The following DNM3 variants were observed in gnomAD, a reference collection of about 807,000 sequenced individuals.
DNM3 encodes the protein dynamin 3.
Under a neutral mutation model 101.6 loss-of-function variants are expected in DNM3, and 47 were observed. The observed-to-expected ratio is 0.46, with a 90% CI of 0.37 to 0.59. The LOEUF (loss-of-function observed/expected upper bound fraction) is 0.59, where lower values mean the gene tolerates loss of function less well. Ranked by LOEUF, DNM3 falls within the 20% of genes least tolerant of loss-of-function variation. The pLI is 0.00. For synonymous variants in DNM3, 385 were observed against 387.9 expected (o/e 0.99, Z 0.09); for missense variants, 849 against 1,085.7 (o/e 0.78, Z 3.06).
chr1:172,369,138 T>G lies in DNM3; in HGVS notation c.1894-9880T>G, dbSNP rs146796955. Among the ~76,000 whole-genome samples the G allele has an allele frequency of 1.5e-3, 228 of 151,798 alleles. 1 individual carries two copies. Among genetic ancestry groups the G allele is most frequent in the African/African-American group, 5.3e-3 (221 of 41,458 alleles). On this transcript the variant is annotated intron_variant, in intron 17 of 20. Transcript: ENST00000627582. ...TCAAACTCATTCCATGAGGCCAGCATTACAAAGCCAAACCAGAGAAGGATG... is the reference window on the plus strand; with the variant it reads ...TCAAACTCATTCCATGAGGCCAGCAGTACAAAGCCAAACCAGAGAAGGATG...
At chr1:172,043,488 G>T (rs2049544339) in intron 8 of DNM3, among the ~76,000 whole-genome samples, 2 of 152,152 alleles carry the variant, frequency 1.3e-5, no homozygotes. Flanking sequence ...GCTAAGTAAA[G>T]TGATAAACTT....
Position 171,940,756 on chromosome 1 carries a change from T to C in DNM3, c.235+18935T>C, listed in dbSNP as rs74720240. ...TCATTCCCTATCAAAACCCTTTTTC[T>C]TGACATGTATATGATATACCTGACT... On this transcript the variant is annotated intron_variant, in intron 2 of 20. Coordinates refer to ENST00000627582, the MANE Select transcript of DNM3 (RefSeq NM_015569.5). 6.5e-3 allele frequency among the ~76,000 whole-genome samples: 989 copies of C among 152,308 alleles called. 16 individuals are homozygous for C. Among genetic ancestry groups the C allele is most frequent in the African/African-American group, 0.022 (896 of 41,572 alleles).
At position 172,379,173 on chromosome 1, in the gene DNM3, G is replaced by C. The variant is rs1356095080; in HGVS notation, c.2049G>C (p.Met683Ile). 1.2e-5 allele frequency: 19 copies of C among 1,604,880 alleles called. No homozygotes were observed. Among genetic ancestry groups the C allele is most frequent in the Non-Finnish European group, 1.6e-5 (19 of 1,175,196 alleles). ...TTCCAAAAACAATAATGCACCTTAT[G>C]ATCAATAACGTAAGTGATTATAAAC... Reference protein sequence around the residue: ...DLIPKTIMHLMINNVKDFINS... With the variant: ...DLIPKTIMHLIINNVKDFINS... The change falls in exon 18 of 21, where the codon ATG (methionine) becomes ATC (isoleucine). Residue 683 changes from methionine to isoleucine, a missense_variant. Physicochemically the swap from Met to Ile is conservative, Grantham distance 10. Around this residue, in one of 5 missense-constraint regions of DNM3, gnomAD observed 256 missense variants for 311.7 expected, o/e 0.82. Coordinates refer to ENST00000627582, the MANE Select transcript of DNM3 (RefSeq NM_015569.5).
chr1:171,846,356 A>G (rs1357674224), intron 1 of DNM3, among the ~76,000 whole-genome samples: 1 of 152,192 alleles, frequency 6.6e-6, no homozygotes, highest in African/African-American at 2.4e-5. Flanking sequence ...TTTGGAATTT[A>G]CTTATGATTA....
intron 1 of DNM3, among the ~76,000 whole-genome samples, chr1:171,918,538 T>G (rs2039902743): frequency 6.6e-6 from 1 of 152,208 alleles, no homozygotes; most frequent in South Asian, 2.1e-4. Context: ...AAACTTTTCT[T>G]TAGCACTTTG....
intron 2 of DNM3, among the ~76,000 whole-genome samples, chr1:171,947,130 C>A (rs1179580539): frequency 6.6e-6 from 1 of 152,118 alleles, no homozygotes; most frequent in African/African-American, 2.4e-5. Flanking sequence ...GGTGGGATTA[C>A]CTTGCAGTGG....
At chr1:172,122,165 G>A (rs182938674) in intron 13 of DNM3, among the ~76,000 whole-genome samples, 1 of 152,152 alleles carries the variant, frequency 6.6e-6, no homozygotes, top group African/African-American at 2.4e-5. Flanking sequence ...GAAAAATACA[G>A]GGAAATGGAA....
At chr1:171,978,618 C>T (rs926087428) in intron 2 of DNM3, among the ~76,000 whole-genome samples, 8 of 152,120 alleles carry the variant, frequency 5.3e-5, no homozygotes, top group Admixed American at 2.6e-4. Context: ...CAATAAAAGG[C>T]TTTAAACAGG....
chr1:172,274,167 TC>T (rs2148759319), intron 15 of DNM3, among the ~76,000 whole-genome samples: 1 of 152,082 alleles, frequency 6.6e-6, no homozygotes, highest in African/African-American at 2.4e-5. Context: ...TGTCACTCAG[TC>T]CCCTCCTACT....
chr1:172,170,565 A>G (rs1182977209), intron 14 of DNM3, among the ~76,000 whole-genome samples: 2 of 151,946 alleles, frequency 1.3e-5, no homozygotes, highest in African/African-American at 4.8e-5. Flanking sequence ...GAAATATAGT[A>G]AGAACTTCAG....
intron 17 of DNM3, among the ~76,000 whole-genome samples, chr1:172,359,125 AACACACACACAC>A (rs10683483): frequency 1.9e-4 from 28 of 145,776 alleles, no homozygotes; most frequent in African/African-American, 3.8e-4. Flanking sequence ...ACTCCCACAA[AACACACACACAC>A]ACACACACAC....
chr1:171,926,317 T>G (rs747394133), intron 2 of DNM3, among the ~76,000 whole-genome samples: 3 of 152,242 alleles, frequency 2.0e-5, no homozygotes, highest in Non-Finnish European at 4.4e-5. Flanking sequence ...TATAGTCATT[T>G]TAACCATATT....
At chr1:172,416,448 A>G (rs1247804920), downstream of DNM3, among the ~76,000 whole-genome samples, 1 of 152,236 alleles carries the variant, frequency 6.6e-6, no homozygotes, top group Non-Finnish European at 1.5e-5. Flanking sequence ...AGTAAAGTGA[A>G]GATGAAAAGA....
At chr1:172,270,874 G>A (rs1030551087) in intron 15 of DNM3, among the ~76,000 whole-genome samples, 2 of 152,072 alleles carry the variant, frequency 1.3e-5, no homozygotes, top group African/African-American at 4.8e-5. Context: ...CAGTTGCAGA[G>A]AGTAGTTTTG....
intron 4 of DNM3, among the ~76,000 whole-genome samples, chr1:172,026,082 A>C (rs769968788): frequency 8.5e-5 from 13 of 152,170 alleles, no homozygotes; most frequent in Non-Finnish European, 1.5e-4. Context: ...GGAATTGCTA[A>C]CTAGAGAAAC....
chr1:172,047,545 G>A (rs2049904490), intron 9 of DNM3, among the ~76,000 whole-genome samples: 1 of 152,124 alleles, frequency 6.6e-6, no homozygotes, highest in Non-Finnish European at 1.5e-5. Flanking sequence ...AAAAATAACT[G>A]TGAAGAAAGA....
intron 14 of DNM3, among the ~76,000 whole-genome samples, chr1:172,209,581 G>A (rs146907006): frequency 6.6e-6 from 1 of 152,162 alleles, no homozygotes; most frequent in East Asian, 1.9e-4. Context: ...TTTGCATTAA[G>A]CAAGGAGAAG....
intron 1 of DNM3, among the ~76,000 whole-genome samples, chr1:171,855,890 A>AT (rs2033558506): frequency 3.3e-5 from 5 of 151,934 alleles, no homozygotes. Flanking sequence ...CCTCTTGTCA[A>AT]TTTTTGCTTT....
chr1:172,244,970 A>G (rs375353420), intron 14 of DNM3, among the ~76,000 whole-genome samples: 84 of 152,292 alleles, frequency 5.5e-4, no homozygotes, highest in African/African-American at 1.9e-3. Context: ...GGTATTCTCA[A>G]TATTTGCATA....
Sources: allele counts gnomAD v4.1 joint callset (sites outside exome capture counted in the v4.1 genomes callset), GRCh38; gene constraint gnomAD v4.1.1; regional missense constraint gnomAD v4.1.1; transcripts MANE v1.5; gene names NCBI Gene and HGNC (gene_info 2026-07-23, HGNC 2026-07-21).